The following CDK14 variants were observed in gnomAD, a reference collection of about 807,000 sequenced individuals.
CDK14 encodes cyclin-dependent kinase 14.
CDK14 carries 34 observed loss-of-function variants against 60.7 expected under a neutral mutation model. That is an observed-to-expected ratio of 0.56 (90% CI 0.43 to 0.75). The LOEUF (loss-of-function observed/expected upper bound fraction) is 0.75, where lower values mean the gene tolerates loss of function less well. CDK14 is among the 30% of genes least tolerant of loss of function. The pLI is 0.00. For synonymous variants in CDK14, 197 were observed against 203.7 expected (o/e 0.97, Z 0.28); for missense variants, 482 against 564.1 (o/e 0.85, Z 1.47).
intron 5 of CDK14, among the ~76,000 whole-genome samples, chr7:90,817,408 G>A (rs1789392794): frequency 6.6e-6 from 1 of 152,006 alleles, no homozygotes; most frequent in Non-Finnish European, 1.5e-5. Flanking sequence ...AGAACTTGGC[G>A]GTGGTTCTGT....
chr7:90,604,063 C>G (rs138507939), intron 1 of CDK14, among the ~76,000 whole-genome samples, 155 bp from the exon 2 acceptor site: 127 of 152,208 alleles, frequency 8.3e-4, no homozygotes, highest in African/African-American at 3.0e-3. Context: ...TTGCAGTTTT[C>G]ATATTTGTAT....
intron 5 of CDK14, among the ~76,000 whole-genome samples, chr7:90,812,276 A>G (rs1472395363): frequency 6.6e-6 from 1 of 152,260 alleles, no homozygotes; most frequent in Non-Finnish European, 1.5e-5. Context: ...ACCATGGAAT[A>G]CTATGCAGCT....
At chr7:90,981,803 G>GAAACA (rs3840668) in intron 9 of CDK14, among the ~76,000 whole-genome samples, 2,023 of 148,604 alleles carry the variant, frequency 0.014, 10 homozygotes, top group African/African-American at 0.022. Flanking sequence ...GAGAGTTCTA[G>GAAACA]AAACAAAACA....
chr7:91,174,678 G>A (rs1045778524), intron 14 of CDK14, among the ~76,000 whole-genome samples: 22 of 131,692 alleles, frequency 1.7e-4, no homozygotes, highest in Admixed American at 3.3e-4. Context: ...CTCAGGAGCC[G>A]ATGCGATCAA....
At chr7:91,123,954 G>T (rs775287149) in intron 14 of CDK14, among the ~76,000 whole-genome samples, 2 of 151,834 alleles carry the variant, frequency 1.3e-5, no homozygotes, top group African/African-American at 4.8e-5. Context: ...ACAGGGTCTC[G>T]CTCTGTTGCT....
intron 2 of CDK14, among the ~76,000 whole-genome samples, chr7:90,631,256 A>G (rs1013734558): frequency 7.2e-5 from 11 of 152,194 alleles, no homozygotes; most frequent in Admixed American, 2.0e-4. Flanking sequence ...ATGACTGGAC[A>G]TGTAGAAAAT....
rs1349119537 is a variant in CDK14, at chr7:91,023,034, TGAAA to T, written c.1042-22862_1042-22859del. The stretch of plus-strand genomic sequence containing the variant: ...TATATATTTTTTTTTTTTCGTCTAA[TGAAA>T]CAACTGAATCCTTTGAAAGTACTAA... On this transcript the variant is annotated intron_variant, in intron 10 of 14. Coordinates refer to ENST00000380050, the MANE Select transcript of CDK14 (RefSeq NM_001287135.2). Among the ~76,000 whole-genome samples the T allele has an allele frequency of 5.3e-5, 8 of 151,934 alleles. No individual in the cohort carries two copies. The East Asian group carries it at 1.5e-3, about 29-fold the overall frequency.
intron 4 of CDK14, among the ~76,000 whole-genome samples, chr7:90,761,837 G>C (rs1003724825): frequency 6.6e-6 from 1 of 152,208 alleles, no homozygotes; most frequent in Non-Finnish European, 1.5e-5. Flanking sequence ...CATTCCTTTT[G>C]AGGTTGTAGT....
intron 10 of CDK14, among the ~76,000 whole-genome samples, chr7:91,010,801 T>TTCCTTCC (rs1796131511): frequency 4.6e-5 from 4 of 86,186 alleles, no homozygotes; most frequent in Admixed American, 1.3e-4. Context: ...TCCTTCCTTC[T>TTCCTTCC]TTCCTTCCTT....
At chr7:91,203,718 A>C (rs1426634690) in intron 14 of CDK14, among the ~76,000 whole-genome samples, 1 of 152,240 alleles carries the variant, frequency 6.6e-6, no homozygotes, top group African/African-American at 2.4e-5. Context: ...TGTTTAAAGT[A>C]CATGGAAGAA....
chr7:91,012,968 A>G (rs371812608), intron 10 of CDK14, among the ~76,000 whole-genome samples: 1 of 152,316 alleles, frequency 6.6e-6, no homozygotes, highest in African/African-American at 2.4e-5. Context: ...GGATTGCACC[A>G]TGCTCTGGCC....
intron 2 of CDK14, among the ~76,000 whole-genome samples, chr7:90,629,079 A>G (rs1282513487): frequency 2.6e-5 from 4 of 152,214 alleles, no homozygotes; most frequent in African/African-American, 9.6e-5. Context: ...TTTGTTTTAT[A>G]TATATTTTTT....
intron 2 of CDK14, among the ~76,000 whole-genome samples, chr7:90,710,888 A>G (rs1172663693): frequency 1.3e-5 from 2 of 152,086 alleles, no homozygotes; most frequent in Non-Finnish European, 2.9e-5. Flanking sequence ...AACTTGAAGG[A>G]CATGTTTTAA....
At chr7:91,071,142 G>A (rs1798132075) in intron 11 of CDK14, among the ~76,000 whole-genome samples, 1 of 152,148 alleles carries the variant, frequency 6.6e-6, no homozygotes, top group African/African-American at 2.4e-5. Flanking sequence ...ATAATAATAA[G>A]TAGGAGAAAA....
intron 12 of CDK14, among the ~76,000 whole-genome samples, chr7:91,084,247 C>T (rs696267): frequency 0.72 from 109,119 of 152,146 alleles, 39,747 homozygotes; most frequent in East Asian, 0.92. Flanking sequence ...TTGTTCTCGC[C>T]GCAGCCATGG....
intron 9 of CDK14, among the ~76,000 whole-genome samples, chr7:90,961,999 A>G (rs972119223): frequency 5.9e-5 from 9 of 152,266 alleles, no homozygotes; most frequent in South Asian, 4.1e-4. Flanking sequence ...TGTTTAATTC[A>G]CACTAAGGAC....
intron 2 of CDK14, among the ~76,000 whole-genome samples, chr7:90,715,883 TCTC>T (rs1432044699): frequency 6.6e-6 from 1 of 151,792 alleles, no homozygotes; most frequent in Admixed American, 6.6e-5. Context: ...GCTTGGAGCT[TCTC>T]ATCTCTTGTG....
intron 2 of CDK14, among the ~76,000 whole-genome samples, chr7:90,636,585 C>A (rs1800155403): frequency 6.6e-6 from 1 of 151,716 alleles, no homozygotes; most frequent in Non-Finnish European, 1.5e-5. Context: ...GGATATTGGT[C>A]TAAAATTCTC....
chr7:90,625,054 A>G (rs1406558859), intron 2 of CDK14, among the ~76,000 whole-genome samples: 1 of 152,208 alleles, frequency 6.6e-6, no homozygotes, highest in Non-Finnish European at 1.5e-5. Flanking sequence ...CTCATAGTAA[A>G]TTCTCTACTA....
Sources: gnomAD v4.1 joint callset for allele counts (sites outside exome capture counted in the v4.1 genomes callset) on GRCh38, gnomAD v4.1.1 for gene constraint, MANE v1.5 for transcripts, NCBI Gene and HGNC (gene_info 2026-07-23, HGNC 2026-07-21) for gene names.